The following RNF150 variants were observed in gnomAD, a reference collection of about 807,000 sequenced individuals.
The protein encoded by RNF150 is ring finger protein 150.
A neutral mutation model predicts 39.3 loss-of-function variants in RNF150; 24 were observed. The observed-to-expected ratio is 0.61, with a 90% confidence interval of 0.44 to 0.86. RNF150 has a LOEUF of 0.86. Ranked by LOEUF, RNF150 falls within the 40% of genes least tolerant of loss-of-function variation. RNF150 has a pLI of 0.00. For synonymous variants in RNF150, 255 were observed against 227.3 expected (o/e 1.12, Z -1.10); for missense variants, 502 against 587.8 (o/e 0.85, Z 1.51).
At chr4:141,147,168 T>C (rs1692651977) in intron 1 of RNF150, among the ~76,000 whole-genome samples, 1 of 152,244 alleles carries the variant, frequency 6.6e-6, no homozygotes, top group African/African-American at 2.4e-5. Flanking sequence ...TTGCCCAGCC[T>C]GGTGACTGTG....
chr4:141,107,658 C>T (rs1739257564), intron 1 of RNF150, among the ~76,000 whole-genome samples: 1 of 152,182 alleles, frequency 6.6e-6, no homozygotes, highest in South Asian at 2.1e-4. Context: ...AGGTCTGCTA[C>T]ATCATCTGAC....
intron 1 of RNF150, among the ~76,000 whole-genome samples, chr4:141,035,030 T>C (rs184916244): frequency 6.6e-6 from 1 of 152,340 alleles, no homozygotes; most frequent in East Asian, 1.9e-4. Context: ...AAAAATGCAA[T>C]ATTTGCAAAG....
chr4:141,190,261 G>C (rs1347136027), intron 1 of RNF150, among the ~76,000 whole-genome samples: 1 of 152,156 alleles, frequency 6.6e-6, no homozygotes, highest in African/African-American at 2.4e-5. Context: ...GACCAGAGCT[G>C]TTCCTATTAG....
At chr4:140,899,734 C>A (rs760615830) in intron 6 of RNF150, among the ~76,000 whole-genome samples, 2 of 152,034 alleles carry the variant, frequency 1.3e-5, no homozygotes, top group Non-Finnish European at 2.9e-5. Flanking sequence ...AACTGATAAC[C>A]ACAATTGTGT....
Position 141,075,062 on chromosome 4 carries a change from A to G in RNF150, c.484+57263T>C, listed in dbSNP as rs12643920. On this transcript the variant is annotated intron_variant, in intron 1 of 6. Transcript: ENST00000515673. Reference sequence around the variant, plus strand: ...GTGTGATTCAATCTCCTTCAATGCAATCAAGATCTTGGTCTGAGGAACTGA... The same window carrying G: ...GTGTGATTCAATCTCCTTCAATGCAGTCAAGATCTTGGTCTGAGGAACTGA... 0.014 allele frequency among the ~76,000 whole-genome samples: 2,084 copies of G among 152,346 alleles called. 99 individuals are homozygous for G. The East Asian group carries it at 0.15, about 11-fold the overall frequency.
chr4:141,092,663 G>A (rs1738631019), intron 1 of RNF150, among the ~76,000 whole-genome samples: 1 of 151,902 alleles, frequency 6.6e-6, no homozygotes, highest in African/African-American at 2.4e-5. Flanking sequence ...GATATAAAGT[G>A]AGTAAATGGT....
intron 1 of RNF150, among the ~76,000 whole-genome samples, chr4:141,094,048 G>T (rs1738689596): frequency 6.6e-6 from 1 of 152,140 alleles, no homozygotes; most frequent in East Asian, 1.9e-4. Flanking sequence ...CAGCTAAAGA[G>T]ATAATTAGTG....
At chr4:141,011,736 C>T (rs1206064639) in intron 1 of RNF150, among the ~76,000 whole-genome samples, 1 of 152,178 alleles carries the variant, frequency 6.6e-6, no homozygotes, top group East Asian at 1.9e-4. Context: ...CCCTCTATTC[C>T]TCTCCACTGC....
chr4:141,156,189 A>C (rs1326910373), intron 1 of RNF150, among the ~76,000 whole-genome samples: 1 of 152,138 alleles, frequency 6.6e-6, no homozygotes, highest in Non-Finnish European at 1.5e-5. Context: ...TGGCCAAGAG[A>C]GTGTCCATTT....
intron 1 of RNF150, among the ~76,000 whole-genome samples, chr4:141,168,276 A>G (rs1452304351): frequency 6.6e-6 from 1 of 152,230 alleles, no homozygotes; most frequent in Non-Finnish European, 1.5e-5. Flanking sequence ...AATGACGATC[A>G]TTAAAAAGTC....
chr4:140,910,263 A>C (rs1294273822), intron 6 of RNF150, among the ~76,000 whole-genome samples: 1 of 152,214 alleles, frequency 6.6e-6, no homozygotes, highest in Non-Finnish European at 1.5e-5. Flanking sequence ...TCTACAGTGA[A>C]TAGGTTACTT....
At chr4:141,193,698 A>G (rs963535064) in intron 1 of RNF150, among the ~76,000 whole-genome samples, 10 of 152,190 alleles carry the variant, frequency 6.6e-5, no homozygotes, top group African/African-American at 9.7e-5. Context: ...AATGTGGCAC[A>G]ATAGAGCAGG....
chr4:140,953,060 C>T (rs1241904477), intron 2 of RNF150, among the ~76,000 whole-genome samples: 1 of 152,136 alleles, frequency 6.6e-6, no homozygotes. Flanking sequence ...TGTATCTAAA[C>T]ATAGAACAGA....
chr4:141,110,601 AG>A (rs571203541), intron 1 of RNF150, among the ~76,000 whole-genome samples: 2 of 137,568 alleles, frequency 1.5e-5, no homozygotes, highest in Admixed American at 1.4e-4. Context: ...TTAATGAGGA[AG>A]GGGTCTTGCT....
chr4:140,898,697 T>A (rs1440615979), intron 6 of RNF150, among the ~76,000 whole-genome samples: 3 of 152,250 alleles, frequency 2.0e-5, no homozygotes, highest in Non-Finnish European at 4.4e-5. Context: ...TTTATCTCAG[T>A]TTTTTAACAA....
In RNF150 at chr4:141,155,412, T is replaced by C. The variant is rs1375935095; in HGVS notation, c.-6+57382A>G. On this transcript the variant is annotated intron_variant, in intron 1 of 7. Transcript: ENST00000420921. ...TACGACCGGCCGAGAGCTTTATTCCTTAAAAAGAGTTGCAGCCTGCAAGCC... is the reference window on the plus strand; with the variant it reads ...TACGACCGGCCGAGAGCTTTATTCCCTAAAAAGAGTTGCAGCCTGCAAGCC... 3.3e-5 allele frequency among the ~76,000 whole-genome samples: 5 copies of C among 152,034 alleles called. No individual in the cohort carries two copies. In the East Asian group the frequency reaches 9.7e-4, roughly 29 times the overall value.
chr4:140,928,086 A>G (rs1378883418), intron 4 of RNF150, among the ~76,000 whole-genome samples: 1 of 150,252 alleles, frequency 6.7e-6, no homozygotes, highest in Non-Finnish European at 1.5e-5. Flanking sequence ...CATTCATGCA[A>G]CAAGTAGTAT....
At chr4:141,048,828 G>A (rs1736675333) in intron 1 of RNF150, among the ~76,000 whole-genome samples, 2 of 152,192 alleles carry the variant, frequency 1.3e-5, no homozygotes, top group South Asian at 4.1e-4. Flanking sequence ...ATATTGCCTA[G>A]TAGCTTTTTA....
chr4:141,196,985 C>A (rs540756212), intron 1 of RNF150, among the ~76,000 whole-genome samples: 1 of 152,276 alleles, frequency 6.6e-6, no homozygotes, highest in Admixed American at 6.5e-5. Context: ...GTTAAGAAAA[C>A]ATGAACATAA....
Sources: allele counts gnomAD v4.1 joint callset (sites outside exome capture counted in the v4.1 genomes callset), GRCh38; gene constraint gnomAD v4.1.1; transcripts MANE v1.5; gene names NCBI Gene and HGNC (gene_info 2026-07-23, HGNC 2026-07-21).